Variants in ACY3 observed in about 807,000 individuals in gnomAD.
ACY3 encodes the protein aminoacylase 3.
ACY3 carries 20 observed loss-of-function variants against 24.6 expected under a neutral mutation model. The ratio of observed to expected loss-of-function variants is 0.81; its 90% CI spans 0.57 to 1.18. ACY3 has a LOEUF of 1.18. ACY3 is among the 50% of genes most tolerant of loss of function. ACY3 has a pLI of 0.00. For missense variants in ACY3, 423 were observed against 426.8 expected (o/e 0.99, Z 0.08); for synonymous variants, 174 against 188.4 (o/e 0.92, Z 0.62).
chr11:67,647,114 G>T, intron 2 of ACY3, 51 bp from the exon 3 acceptor site: 2 of 1,345,352 alleles, frequency 1.5e-6, no homozygotes, highest in Non-Finnish European at 2.0e-6. Context: ...AGGGATCTGG[G>T]CTCAGGGCAA....
intron 3 of ACY3, 82 bp downstream of exon 3, chr11:67,646,726 C>T: frequency 1.5e-6 from 2 of 1,323,582 alleles, no homozygotes; most frequent in Non-Finnish European, 2.1e-6. Flanking sequence ...CAGGGAGGGC[C>T]CTGCTGGTGG....
chr11:67,645,447 G>A, intron 4 of ACY3, 67 bp from the exon 5 acceptor site: 5 of 1,521,476 alleles, frequency 3.3e-6, no homozygotes, highest in Non-Finnish European at 4.5e-6. Context: ...GTGGGAAGGT[G>A]TTGCATGGAG....
rs1855481938 is a variant in ACY3 at position 67,644,930 on chromosome 11, C to T, written c.635-61G>A. On this transcript the variant is annotated intron_variant, in intron 6 of 7. Coordinates refer to ENST00000255082, the MANE Select transcript of ACY3 (RefSeq NM_080658.2). The stretch of plus-strand genomic sequence containing the variant: ...CCTCCAGGCTAGGGGACAGACTGGG[C>T]CGTGGGGGTACGTCAGGGCTAGATC... 5.7e-6 allele frequency: 9 copies of T among 1,584,512 alleles called. No homozygotes were observed. In the Admixed American group the frequency reaches 8.4e-5, roughly 15 times the overall value.
At chr11:67,643,461 T>C (rs1855447565) in intron 7 of ACY3, among the ~76,000 whole-genome samples, 1 of 151,918 alleles carries the variant, frequency 6.6e-6, no homozygotes, top group Non-Finnish European at 1.5e-5. Flanking sequence ...GGGTGGATCA[T>C]GAGGTCAGGA....
intron 7 of ACY3, among the ~76,000 whole-genome samples, chr11:67,644,416 C>T (rs1372864007): frequency 6.6e-6 from 1 of 152,186 alleles, no homozygotes; most frequent in Non-Finnish European, 1.5e-5. Context: ...GTATTTGCAC[C>T]TCCAAGCAGG....
At chr11:67,643,184 G>A (rs191808437) in intron 7 of ACY3, among the ~76,000 whole-genome samples, 29 of 152,336 alleles carry the variant, frequency 1.9e-4, no homozygotes, top group Admixed American at 3.3e-4. Context: ...TCATGGATAC[G>A]GGCACAGGTA....
chr11:67,644,643 C>G (rs1855471814), intron 7 of ACY3, 117 bp downstream of exon 7: 1 of 949,572 alleles, frequency 1.1e-6, no homozygotes, highest in Non-Finnish European at 1.6e-6. Flanking sequence ...TGCTGGTGAG[C>G]TCGTGGGAGG....
rs551376834 is a variant in ACY3, at chr11:67,645,822, C to T, written c.302G>A (p.Gly101Glu). The T allele has an allele frequency of 1.2e-5, 19 of 1,613,652 alleles. No individual in the cohort carries two copies. The highest frequency in any genetic ancestry group is 1.4e-5 in the Non-Finnish European group (17 of 1,179,842). The part of the protein sequence containing the change: ...TRARELNQLL[G>E]PKASGQAFDF... ...AAAGGCCTGGCCCGAGGCCTTGGGC[C>T]CCAGCAGCTGGTTCAGCTCTCGGGC... The change falls in exon 4 of 8, where the codon GGG becomes GAG. Residue 101 changes from glycine to glutamate, a missense_variant. Coordinates refer to ENST00000255082, the MANE Select transcript of ACY3 (RefSeq NM_080658.2).
In ACY3 at chr11:67,642,766, A is replaced by AG; in HGVS notation, c.917dup (p.Ala307CysfsTer32). ...GGGCAGGGGTCAGCGCGGGCATGGC[A>AG]GGCACGGTGAATGTGAACTTCTCAG... is the stretch of plus-strand genomic sequence containing the variant. On this transcript the variant is annotated frameshift_variant, in exon 8 of 8. Coordinates refer to ENST00000255082, the MANE Select transcript of ACY3 (RefSeq NM_080658.2). LOFTEE classifies it low-confidence loss of function (END_TRUNC). 6.2e-7 allele frequency: 1 copy of AG among 1,614,146 alleles called. No individual in the cohort carries two copies. The highest frequency in any genetic ancestry group is 8.5e-7 in the Non-Finnish European group (1 of 1,180,026).
intron 2 of ACY3, 34 bp from the exon 3 acceptor site, chr11:67,647,097 C>G (rs762098558): frequency 1.4e-6 from 2 of 1,391,348 alleles, no homozygotes; most frequent in Admixed American, 2.7e-5. Context: ...ACCCTGGCCC[C>G]GATGCAAGGG....
intron 7 of ACY3, 119 bp from the exon 8 acceptor site, chr11:67,643,058 C>G (rs1436358772): frequency 1.2e-6 from 1 of 830,062 alleles, no homozygotes; most frequent in African/African-American, 1.7e-5. Flanking sequence ...CCCACCCATG[C>G]TTCACTTCCT....
At chr11:67,643,156 C>T (rs796784295) in intron 7 of ACY3, among the ~76,000 whole-genome samples, 41 of 152,338 alleles carry the variant, frequency 2.7e-4, no homozygotes, top group African/African-American at 9.9e-4. Flanking sequence ...TGGCATGTGC[C>T]CATGTGGAAG....
At chr11:67,647,273 T>A (rs1014331544) in intron 2 of ACY3, among the ~76,000 whole-genome samples, 2 of 152,192 alleles carry the variant, frequency 1.3e-5, no homozygotes, top group Non-Finnish European at 2.9e-5. Flanking sequence ...AAGTTTCTTT[T>A]TCCTAAATTG....
At chr11:67,643,600 C>G (rs1855450919) in intron 7 of ACY3, among the ~76,000 whole-genome samples, 1 of 151,952 alleles carries the variant, frequency 6.6e-6, no homozygotes, top group Non-Finnish European at 1.5e-5. Context: ...ATCGCTTGAA[C>G]TCAGGAGGCG....
chr11:67,644,956 C>G, intron 6 of ACY3, 87 bp from the exon 7 acceptor site: 1 of 1,585,716 alleles, frequency 6.3e-7, no homozygotes, highest in Non-Finnish European at 8.7e-7. Context: ...GGGCTAGATC[C>G]CAGCCTGCCT....
intron 2 of ACY3, 49 bp from the exon 3 acceptor site, chr11:67,647,112 G>A (rs1855533295): frequency 5.2e-6 from 7 of 1,349,206 alleles, no homozygotes; most frequent in African/African-American, 1.5e-5. Context: ...CAAGGGATCT[G>A]GGCTCAGGGC....
At chr11:67,643,610 G>A (rs888104211) in intron 7 of ACY3, among the ~76,000 whole-genome samples, 23 of 150,426 alleles carry the variant, frequency 1.5e-4, no homozygotes, top group East Asian at 6.0e-4. Flanking sequence ...CTCAGGAGGC[G>A]GAGGTTGCAG....
In ACY3 at chr11:67,644,804, T is replaced by C. The variant is rs764927492; in HGVS notation, c.700A>G (p.Thr234Ala). The C allele has an allele frequency of 3.8e-6, 6 of 1,568,354 alleles. No individual in the cohort carries two copies. The South Asian group carries it at 5.8e-5, about 15-fold the overall frequency. The change falls in exon 7 of 8, where the codon ACC becomes GCC. Residue 234 changes from threonine (T) to alanine (A), a missense_variant. Coordinates refer to ENST00000255082, the MANE Select transcript of ACY3 (RefSeq NM_080658.2). ...GTGCCTGCCAGGTGCCCGGCCTCGG[T>C]GCGGGGGAAGTCCACGACGCCCACG... ...RPVGVVDFPR[T>A]EAGHLAGTVH...
intron 1 of ACY3, among the ~76,000 whole-genome samples, chr11:67,649,122 G>C (rs916810333): frequency 3.3e-5 from 5 of 152,194 alleles, no homozygotes; most frequent in Non-Finnish European, 5.9e-5. Flanking sequence ...GGCAGGTGGT[G>C]GGAGAGGGAG....
Sources: allele counts gnomAD v4.1 joint callset (sites outside exome capture counted in the v4.1 genomes callset), GRCh38; gene constraint gnomAD v4.1.1; transcripts MANE v1.5; gene names NCBI Gene and HGNC (gene_info 2026-07-23, HGNC 2026-07-21).